The following ANKRD24 variants were observed in gnomAD, a reference collection of about 807,000 sequenced individuals.
ANKRD24 encodes ankyrin repeat domain 24.
In ANKRD24, 109 loss-of-function variants were observed where a neutral mutation model predicts 127.8. The ratio of observed to expected loss-of-function variants is 0.85; its 90% confidence interval spans 0.73 to 1.00. ANKRD24 has a LOEUF of 1.00. Ranked by LOEUF, ANKRD24 falls within the 50% of genes least tolerant of loss-of-function variation. The pLI is 0.00. For synonymous variants in ANKRD24, 743 were observed against 671.1 expected, an observed-to-expected ratio of 1.11 and a Z score of -1.66; for missense variants, 1,648 against 1,570.2, an observed-to-expected ratio of 1.05 and a Z score of -0.84.
rs1007057232 is a variant in ANKRD24 at position 4,223,725 on chromosome 19, C to T, written c.3298-402C>T. On this transcript the variant is annotated intron_variant, in intron 20 of 21. Coordinates refer to ENST00000318934, the MANE Select transcript of ANKRD24 (RefSeq NM_001393985.1). Reference sequence around the variant, plus strand: ...GACTACAGGCATGTGCCACCACTCCCGGCTAATTTTTTTTACTTTTAGTAA... The same window carrying T: ...GACTACAGGCATGTGCCACCACTCCTGGCTAATTTTTTTTACTTTTAGTAA... 3.3e-5 allele frequency among the ~76,000 whole-genome samples: 5 copies of T among 152,006 alleles called. No individual in the cohort carries two copies. The East Asian group carries it at 5.8e-4, about 18-fold the overall frequency.
chr19:4,186,756 C>T (rs537763793), intron 2 of ANKRD24, among the ~76,000 whole-genome samples: 48 of 152,178 alleles, frequency 3.2e-4, no homozygotes, highest in Non-Finnish European at 6.3e-4. Flanking sequence ...CCAATCTCCG[C>T]TCTCCCCGGC....
intron 10 of ANKRD24, 70 bp downstream of exon 10, chr19:4,208,038 G>T: frequency 7.2e-7 from 1 of 1,385,124 alleles, no homozygotes; most frequent in Non-Finnish European, 9.5e-7. Context: ...TCTCTTTATC[G>T]TGAATAGTTT....
intron 7 of ANKRD24, among the ~76,000 whole-genome samples, chr19:4,205,151 T>TTGC (rs1343814072): frequency 6.6e-6 from 1 of 151,994 alleles, no homozygotes; most frequent in Non-Finnish European, 1.5e-5. Flanking sequence ...GGCAGGAGAA[T>TTGC]TGCTTAAACC....
intron 1 of ANKRD24, among the ~76,000 whole-genome samples, chr19:4,184,532 C>T (rs1026051509): frequency 1.3e-5 from 2 of 152,236 alleles, no homozygotes; most frequent in Admixed American, 1.3e-4. Flanking sequence ...CAACATCCCA[C>T]CCGGCCATCA....
At chr19:4,203,049 TTTC>T in intron 7 of ANKRD24, 123 bp downstream of exon 7, 35 of 826,540 alleles carry the variant, frequency 4.2e-5, no homozygotes, top group Admixed American at 6.5e-5. Context: ...CCTTTCTTTC[TTTC>T]TTTTTTTTTT....
At chr19:4,216,104 G>C in intron 16 of ANKRD24, 54 bp downstream of exon 16, 2 of 1,527,742 alleles carry the variant, frequency 1.3e-6, no homozygotes, top group Non-Finnish European at 1.8e-6. Context: ...TGGGGCCCTG[G>C]AAGACGGAGC....
chr19:4,195,039 C>T lies in ANKRD24; in HGVS notation c.37-4644C>T, dbSNP rs117456567. ...CTGGAGTGCAGTGGTGCGATCTCGG[C>T]GTGAGCCACCGCGCCCAGGTTTTTG... On this transcript the variant is annotated intron_variant, in intron 2 of 21. Transcript: ENST00000318934. This position sits in a 1 kb window ranked among gnomAD's most constrained non-coding sequence, Gnocchi z 4.2. 2.6e-4 allele frequency among the ~76,000 whole-genome samples: 40 copies of T among 151,322 alleles called. No individual in the cohort carries two copies. In the East Asian group the frequency reaches 2.9e-3, roughly 11 times the overall value.
intron 2 of ANKRD24, among the ~76,000 whole-genome samples, chr19:4,187,238 CGTT>C (rs1568310174): frequency 2.0e-5 from 3 of 151,938 alleles, no homozygotes; most frequent in African/African-American, 4.8e-5. Context: ...CATGGTGAAA[CGTT>C]GTCTCTACTA....
chr19:4,217,156 G>C lies in ANKRD24; in HGVS notation c.1996G>C (p.Val666Leu), dbSNP rs1970142551. 1 of 1,613,262 alleles carries C rather than the reference G, an allele frequency of 6.2e-7. No homozygotes were observed. Among genetic ancestry groups the C allele is most frequent in the Admixed American group, 1.7e-5 (1 of 59,828 alleles). ...GVGAGQAEPPVTGTTNMEATG... is the reference protein window; with the variant it reads ...GVGAGQAEPPLTGTTNMEATG... ...GGGTGCTGGGCAAGCAGAGCCCCCAGTCACAGGGACCACAAACATGGAGGC... is the reference window on the plus strand; with the variant it reads ...GGGTGCTGGGCAAGCAGAGCCCCCACTCACAGGGACCACAAACATGGAGGC... The change falls in exon 18 of 22, where the codon GTC becomes CTC. Residue 666 changes from valine to leucine, a missense_variant. Coordinates refer to ENST00000318934, the MANE Select transcript of ANKRD24 (RefSeq NM_001393985.1).
rs188123140 is a variant in ANKRD24, at chr19:4,184,483, C to T, written c.-37+1743C>T. On this transcript the variant is annotated intron_variant, in intron 1 of 21. Coordinates refer to ENST00000318934, the MANE Select transcript of ANKRD24 (RefSeq NM_001393985.1). ...GTTCACCCACGCACTTCCCACTTGCCGGCCTGTGCCCTGCCTAGCTTCCTC... is the reference window on the plus strand; with the variant it reads ...GTTCACCCACGCACTTCCCACTTGCTGGCCTGTGCCCTGCCTAGCTTCCTC... Among the ~76,000 whole-genome samples, 6 of 152,352 alleles carry T rather than the reference C, an allele frequency of 3.9e-5. No individual in the cohort carries two copies. In the East Asian group the frequency reaches 5.8e-4, roughly 15 times the overall value.
In ANKRD24 at chr19:4,224,551, C is replaced by G. The variant is rs1970637296; in HGVS notation, c.*46C>G. 2 of 1,530,486 alleles carry G rather than the reference C, an allele frequency of 1.3e-6. No homozygotes were observed. The highest frequency in any genetic ancestry group is 1.8e-6 in the Non-Finnish European group (2 of 1,121,710). The allele number at this position is 1,530,486 out of a possible 1,614,324, so 94.8% of individuals were successfully genotyped here. ...TACACTGACCACACCCACGCAGGGA[C>G]CTCACCCCCCTGCAGGCCCCTTGCA... On this transcript the variant is annotated 3_prime_UTR_variant, in exon 22 of 22. Coordinates refer to ENST00000318934, the MANE Select transcript of ANKRD24 (RefSeq NM_001393985.1).
intron 5 of ANKRD24, 26 bp from the exon 6 acceptor site, chr19:4,202,000 C>G: frequency 6.2e-7 from 1 of 1,609,798 alleles, no homozygotes; most frequent in Non-Finnish European, 8.5e-7. Context: ...AGCTGGAGCT[C>G]CAGTAAATCT....
chr19:4,192,549 C>T (rs1478555576), intron 2 of ANKRD24, among the ~76,000 whole-genome samples: 2 of 151,578 alleles, frequency 1.3e-5, no homozygotes, highest in South Asian at 4.2e-4. Flanking sequence ...CCCTGCAAAA[C>T]CTATAGCTGG....
intron 2 of ANKRD24, among the ~76,000 whole-genome samples, chr19:4,189,243 C>CTTTTTTTTTTTTTTTTTTT (rs398033749): frequency 5.4e-5 from 4 of 73,952 alleles, no homozygotes; most frequent in Non-Finnish European, 7.5e-5. Context: ...TTTCTTTCTT[C>CTTTTTTTTTTTTTTTTTTT]TTTTTTTTTT....
intron 1 of ANKRD24, 112 bp from the exon 2 acceptor site, chr19:4,186,278 C>T (rs1221040719): frequency 2.0e-6 from 3 of 1,494,058 alleles, no homozygotes; most frequent in Non-Finnish European, 2.7e-6. Context: ...CTCTAGGGGC[C>T]AGGACTGGTC....
chr19:4,217,412 T>G lies in ANKRD24; in HGVS notation c.2252T>G (p.Leu751Arg), dbSNP rs1488636292. ...GCAGCTGCGGAGCTGGAGGCGGCCCTGGGGAAGTGCGAGGCCGCGGAGGCC... is the reference window on the plus strand; with the variant it reads ...GCAGCTGCGGAGCTGGAGGCGGCCCGGGGGAAGTGCGAGGCCGCGGAGGCC... ...REAAAELEAA[L>R]GKCEAAEAEA... is the part of the protein sequence containing the mutation. The change falls in exon 18 of 22, where the codon CTG (leucine) becomes CGG (arginine). Residue 751 changes from leucine to arginine, a missense_variant. Physicochemically the swap from Leu to Arg is moderately radical, Grantham distance 102. Transcript: ENST00000318934. 1.9e-6 allele frequency: 3 copies of G among 1,547,850 alleles called. No individual in the cohort carries two copies. The highest frequency in any genetic ancestry group is 1.2e-5 in the South Asian group (1 of 83,904).
rs1048217718 is a variant in ANKRD24 at position 4,203,512 on chromosome 19, A to G, written c.466+586A>G. ...CAGGCGTGCACCACCATGCCTGGCTAATATTTTAAATTTATTTGTAGATAC... is the reference window on the plus strand; with the variant it reads ...CAGGCGTGCACCACCATGCCTGGCTGATATTTTAAATTTATTTGTAGATAC... On this transcript the variant is annotated intron_variant, in intron 7 of 21. Transcript: ENST00000318934. 5.3e-5 allele frequency among the ~76,000 whole-genome samples: 8 copies of G among 151,690 alleles called. No individual in the cohort carries two copies. The East Asian group carries it at 1.6e-3, about 30-fold the overall frequency.
intron 1 of ANKRD24, among the ~76,000 whole-genome samples, chr19:4,186,097 C>A (rs1435296612): frequency 6.6e-6 from 1 of 152,180 alleles, no homozygotes; most frequent in African/African-American, 2.4e-5. Context: ...ATTTATGAAG[C>A]CCCTCATGTT....
In ANKRD24 at chr19:4,198,598, C is replaced by T. The variant is rs915258684; in HGVS notation, c.37-1085C>T. 1.6e-5 allele frequency: 7 copies of T among 438,490 alleles called. No individual in the cohort carries two copies. Among genetic ancestry groups the T allele is most frequent in the Admixed American group, 1.3e-4 (3 of 23,320 alleles). 27.2% of individuals were successfully genotyped at this position (438,490 alleles called of 1,614,324 possible). ...GGTACCTCCTCTCCCCTCCCTTCCCCGTCCCCGGCTGACCTGGACCACCCC... is the reference window on the plus strand; with the variant it reads ...GGTACCTCCTCTCCCCTCCCTTCCCTGTCCCCGGCTGACCTGGACCACCCC... On this transcript the variant is annotated intron_variant, in intron 2 of 21. Coordinates refer to ENST00000318934, the MANE Select transcript of ANKRD24 (RefSeq NM_001393985.1). The surrounding 1 kb of genome is among the most constrained non-coding windows in gnomAD (Gnocchi z 6.1).
Sources: gnomAD v4.1 joint callset for allele counts (sites outside exome capture counted in the v4.1 genomes callset) on GRCh38, gnomAD v4.1.1 for gene constraint, Gnocchi (gnomAD v3.1) non-coding constraint, MANE v1.5 for transcripts, NCBI Gene and HGNC (gene_info 2026-07-23, HGNC 2026-07-21) for gene names.